UNC13C: variants seen among roughly 807,000 people sequenced by gnomAD.
The protein encoded by UNC13C is protein unc-13 homolog C.
Under a neutral mutation model 245.4 loss-of-function variants are expected in UNC13C, and 174 were observed. The observed-to-expected ratio is 0.71, with a 90% CI of 0.63 to 0.80. The LOEUF (loss-of-function observed/expected upper bound fraction) is 0.80, where lower values mean the gene tolerates loss of function less well. UNC13C is among the 30% of genes least tolerant of loss of function. The pLI, the probability that UNC13C is intolerant of heterozygous loss-of-function variation, is 0.00. For synonymous variants in UNC13C, 992 were observed against 895.1 expected (o/e 1.11, Z -1.93); for missense variants, 2,829 against 2,602.9 (o/e 1.09, Z -1.89).
chr15:54,402,870 A>C (rs2040215676), intron 18 of UNC13C, among the ~76,000 whole-genome samples: 1 of 152,220 alleles, frequency 6.6e-6, no homozygotes, highest in Admixed American at 6.5e-5. Flanking sequence ...TTAATGATTA[A>C]TCTGGATCTG....
chr15:54,186,132 C>T (rs1450158336), intron 4 of UNC13C, among the ~76,000 whole-genome samples: 8 of 151,960 alleles, frequency 5.3e-5, no homozygotes, highest in Middle Eastern at 3.2e-3. Flanking sequence ...TATCCTGAGA[C>T]TTTGCTGAAG....
intron 13 of UNC13C, among the ~76,000 whole-genome samples, chr15:54,315,641 T>C (rs924977405): frequency 1.3e-5 from 2 of 151,726 alleles, no homozygotes; most frequent in Admixed American, 1.3e-4. Flanking sequence ...ATCCCAAATC[T>C]AGGTGTTTAG....
intron 19 of UNC13C, among the ~76,000 whole-genome samples, chr15:54,419,430 A>C (rs2040590506): frequency 6.6e-6 from 1 of 152,164 alleles, no homozygotes; most frequent in Non-Finnish European, 1.5e-5. Flanking sequence ...ATGGCTAATA[A>C]CTTCAATAAC....
At chr15:54,184,000 T>C (rs895943290) in intron 4 of UNC13C, among the ~76,000 whole-genome samples, 1 of 152,092 alleles carries the variant, frequency 6.6e-6, no homozygotes, top group Non-Finnish European at 1.5e-5. Context: ...AGATTCACAC[T>C]TTTAAAAAGT....
intron 1 of UNC13C, among the ~76,000 whole-genome samples, chr15:53,980,416 AT>A (rs1162410457): frequency 6.6e-6 from 1 of 152,188 alleles, no homozygotes; most frequent in East Asian, 1.9e-4. Context: ...CTATGTTGAC[AT>A]CTTGTATAAA....
At chr15:54,480,502 C>G (rs1893048588) in intron 19 of UNC13C, among the ~76,000 whole-genome samples, 3 of 149,428 alleles carry the variant, frequency 2.0e-5, no homozygotes, top group South Asian at 2.1e-4. Flanking sequence ...GCTTGACCTT[C>G]TCTATTGTTG....
At chr15:54,234,240 G>GTA (rs71132791) in intron 4 of UNC13C, among the ~76,000 whole-genome samples, 28,129 of 147,836 alleles carry the variant, frequency 0.19, 2,672 homozygotes, top group African/African-American at 0.21. Context: ...TCCCATGTCA[G>GTA]TATATATATA....
intron 19 of UNC13C, among the ~76,000 whole-genome samples, chr15:54,487,198 T>G (rs1893460237): frequency 6.6e-6 from 1 of 152,194 alleles, no homozygotes; most frequent in African/African-American, 2.4e-5. Flanking sequence ...CCAGGGATCC[T>G]GGATTCATTC....
chr15:54,286,723 T>C (rs1026426573), intron 10 of UNC13C, among the ~76,000 whole-genome samples: 1 of 152,200 alleles, frequency 6.6e-6, no homozygotes, highest in African/African-American at 2.4e-5. Flanking sequence ...TTTTGATGAC[T>C]GCCAAAAGGA....
At chr15:53,912,354 G>T in the UNC13C span, 1 of 152,368 alleles carries the variant, frequency 6.6e-6, no homozygotes, top group African/African-American at 2.4e-5. Flanking sequence ...TGGACAACTG[G>T]AGGCTATATG....
chr15:54,428,942 C>T (rs2040812091), intron 19 of UNC13C, among the ~76,000 whole-genome samples: 1 of 151,720 alleles, frequency 6.6e-6, no homozygotes, highest in South Asian at 2.1e-4. Context: ...GCTTCTCTCT[C>T]TTCCCCCCAG....
intron 2 of UNC13C, among the ~76,000 whole-genome samples, chr15:54,019,029 A>C (rs146056946): frequency 1.6e-3 from 242 of 152,314 alleles, no homozygotes; most frequent in African/African-American, 5.6e-3. Flanking sequence ...TAGACATAAA[A>C]GCTTATTACT....
At chr15:54,185,641 T>G (rs201702035) in intron 4 of UNC13C, among the ~76,000 whole-genome samples, 56,258 of 133,986 alleles carry the variant, frequency 0.42, 13,400 homozygotes, top group East Asian at 0.56. Flanking sequence ...TCTCTGTTTT[T>G]GTACCAGTAC....
intron 19 of UNC13C, among the ~76,000 whole-genome samples, chr15:54,433,469 C>G (rs567899245): frequency 6.6e-6 from 1 of 152,018 alleles, no homozygotes; most frequent in Non-Finnish European, 1.5e-5. Flanking sequence ...ATAAACAGAA[C>G]CAATGACAAA....
intron 10 of UNC13C, among the ~76,000 whole-genome samples, chr15:54,277,239 T>C: frequency 6.6e-6 from 1 of 152,204 alleles, no homozygotes; most frequent in East Asian, 1.9e-4. Context: ...TGTTATTTTC[T>C]TTCAGTTATG....
intron 2 of UNC13C, chr15:54,049,374 G>A (rs955471405): frequency 2.5e-5 from 13 of 516,840 alleles, no homozygotes; most frequent in African/African-American, 2.1e-4. Context: ...CTGCCTGCAG[G>A]ATAAAACTAA....
At chr15:54,063,068 GT>G (rs924250155) in intron 2 of UNC13C, among the ~76,000 whole-genome samples, 4 of 152,130 alleles carry the variant, frequency 2.6e-5, no homozygotes, top group African/African-American at 7.2e-5. Flanking sequence ...GTGGTATTTG[GT>G]TTTTTTCCTT....
intron 30 of UNC13C, among the ~76,000 whole-genome samples, chr15:54,578,725 A>G (rs780304598): frequency 1.3e-5 from 2 of 152,234 alleles, no homozygotes; most frequent in Non-Finnish European, 1.5e-5. Context: ...ACCATGGCTC[A>G]CGCCTGTAAT....
chr15:54,061,310 G>A (rs1003019780), intron 2 of UNC13C, among the ~76,000 whole-genome samples: 7 of 152,154 alleles, frequency 4.6e-5, no homozygotes, highest in African/African-American at 1.7e-4. Flanking sequence ...CCTCACCTAA[G>A]ACAGTGAATA....
Sources: allele counts gnomAD v4.1 joint callset (sites outside exome capture counted in the v4.1 genomes callset), GRCh38; gene constraint gnomAD v4.1.1; transcripts MANE v1.5; gene names NCBI Gene and HGNC (gene_info 2026-07-23, HGNC 2026-07-21).